Variants in NIBAN1 observed in about 807,000 individuals in gnomAD.
NIBAN1 encodes niban apoptosis regulator 1, also known as protein Niban 1.
A neutral mutation model predicts 75.1 loss-of-function variants in NIBAN1; 81 were observed. The observed-to-expected ratio is 1.08, with a 90% confidence interval of 0.90 to 1.30. The LOEUF (loss-of-function observed/expected upper bound fraction) is 1.30. Ranked by LOEUF, NIBAN1 falls within the 50% of genes most tolerant of loss-of-function variation. The probability of loss-of-function intolerance (pLI) is 0.00; values close to 1 mark genes in which losing one functional copy is unlikely to be tolerated. For synonymous variants in NIBAN1, 436 were observed against 424.8 expected (o/e 1.03, Z -0.32); for missense variants, 1,133 against 1,128.1 (o/e 1.00, Z -0.06).
intron 1 of NIBAN1, among the ~76,000 whole-genome samples, chr1:184,956,958 T>C (rs1276278033): frequency 6.6e-6 from 1 of 152,238 alleles, no homozygotes; most frequent in Non-Finnish European, 1.5e-5. Flanking sequence ...AATGTACAAC[T>C]GAAACATGGC....
chr1:184,974,199 A>G (rs1015966240), intron 1 of NIBAN1, 103 bp downstream of exon 1: 4 of 1,192,226 alleles, frequency 3.4e-6, no homozygotes, highest in Non-Finnish European at 4.4e-6. Context: ...CCCGCGCGCT[A>G]CAGGGAGAGG....
At chr1:184,798,534 T>A (rs775973519) in intron 12 of NIBAN1, among the ~76,000 whole-genome samples, 16 of 152,172 alleles carry the variant, frequency 1.1e-4, no homozygotes, top group Non-Finnish European at 1.9e-4. Flanking sequence ...TTTTTTATCA[T>A]CTCAAGGCCT....
Position 184,860,668 on chromosome 1 carries a change from T to C in NIBAN1, c.601+23965A>G, listed in dbSNP as rs565137673. On this transcript the variant is annotated intron_variant, in intron 5 of 13. Coordinates refer to ENST00000367511, the MANE Select transcript of NIBAN1 (RefSeq NM_052966.4). Reference sequence around the variant, plus strand: ...TATATGAATGGGCACTGACAATACCTCTGTCCCACTGATGAGAAAATTGAA... The same window carrying C: ...TATATGAATGGGCACTGACAATACCCCTGTCCCACTGATGAGAAAATTGAA... 3.3e-5 allele frequency among the ~76,000 whole-genome samples: 5 copies of C among 152,330 alleles called. No individual in the cohort carries two copies. In the South Asian group the frequency reaches 8.3e-4, roughly 25 times the overall value.
At chr1:184,965,199 T>C (rs1239786216) in intron 1 of NIBAN1, among the ~76,000 whole-genome samples, 1 of 151,786 alleles carries the variant, frequency 6.6e-6, no homozygotes. Flanking sequence ...CTCGAGAGGC[T>C]GACGCAGGAG....
At chr1:184,800,249 T>C (rs1359248007) in intron 12 of NIBAN1, among the ~76,000 whole-genome samples, 1 of 150,348 alleles carries the variant, frequency 6.7e-6, no homozygotes, top group African/African-American at 2.4e-5. Context: ...GAGTTCATTG[T>C]AGATTCTGGA....
chr1:184,878,440 T>C (rs1261557324), intron 5 of NIBAN1, among the ~76,000 whole-genome samples: 1 of 152,262 alleles, frequency 6.6e-6, no homozygotes, highest in Non-Finnish European at 1.5e-5. Context: ...CATGAAATCA[T>C]ACATGGTTTG....
At chr1:184,862,151 G>A (rs1655834437) in intron 5 of NIBAN1, among the ~76,000 whole-genome samples, 1 of 151,978 alleles carries the variant, frequency 6.6e-6, no homozygotes. Flanking sequence ...ACCTTCCCTG[G>A]CACCTGCAGA....
chr1:184,818,653 A>G lies in NIBAN1; in HGVS notation c.1158T>C (p.Ser386=), dbSNP rs1654604586. 5.6e-6 allele frequency: 9 copies of G among 1,605,328 alleles called. No individual in the cohort carries two copies. Among genetic ancestry groups the G allele is most frequent in the Non-Finnish European group, 7.7e-6 (9 of 1,173,782 alleles). ...TGTATCCTACCTCCTTTAGCTGGAC[A>G]CTGTCTTTGGTGGTCTGGAAGTTCT... ...VSQNFQTTKD[S]VQLKEHLDRL... The change falls in exon 9 of 14, where the codon AGT becomes AGC. Residue 386 remains serine (S), a synonymous_variant. Transcript: ENST00000367511.
Position 184,831,883 on chromosome 1 carries a change from A to G in NIBAN1, c.681T>C (p.Tyr227=). 1 of 1,614,176 alleles carries G rather than the reference A, an allele frequency of 6.2e-7. No individual in the cohort carries two copies. Among genetic ancestry groups the G allele is most frequent in the Non-Finnish European group, 8.5e-7 (1 of 1,179,998 alleles). The change falls in exon 6 of 14, where the codon TAT becomes TAC. Residue 227 remains tyrosine, a synonymous_variant. Coordinates refer to ENST00000367511, the MANE Select transcript of NIBAN1 (RefSeq NM_052966.4). ...VQFFRQEKGH[Y]GSWEMITGDE... Reference sequence around the variant, plus strand: ...CCCCAGTGATCATTTCCCAGGAACCATAGTGACCCTTCTCCTGTCGGAAGA... The same window carrying G: ...CCCCAGTGATCATTTCCCAGGAACCGTAGTGACCCTTCTCCTGTCGGAAGA...
intron 1 of NIBAN1, among the ~76,000 whole-genome samples, chr1:184,922,300 C>T (rs918865953): frequency 1.3e-5 from 2 of 152,126 alleles, no homozygotes; most frequent in African/African-American, 4.8e-5. Context: ...TTATTGTTGA[C>T]TGTAGTCTCC....
chr1:184,861,563 A>G (rs989184884), intron 5 of NIBAN1, among the ~76,000 whole-genome samples: 2 of 143,432 alleles, frequency 1.4e-5, no homozygotes, highest in Admixed American at 6.9e-5. Context: ...GAAGGGAAAG[A>G]AGGAGAGAAG....
intron 8 of NIBAN1, among the ~76,000 whole-genome samples, chr1:184,822,042 A>G (rs1239393816): frequency 6.6e-6 from 1 of 152,202 alleles, no homozygotes; most frequent in Non-Finnish European, 1.5e-5. Flanking sequence ...GAGCACAGGA[A>G]TAGGGTGTTC....
intron 1 of NIBAN1, among the ~76,000 whole-genome samples, chr1:184,951,430 TTCCCC>T (rs1309628423): frequency 6.6e-6 from 1 of 152,202 alleles, no homozygotes; most frequent in Non-Finnish European, 1.5e-5. Flanking sequence ...ATCAAATGTG[TTCCCC>T]CAGTCTTCCT....
chr1:184,941,008 C>T (rs1170370588), intron 1 of NIBAN1, among the ~76,000 whole-genome samples: 1 of 152,282 alleles, frequency 6.6e-6, no homozygotes, highest in African/African-American at 2.4e-5. Flanking sequence ...TCTTATATTC[C>T]AATTATTTTC....
chr1:184,804,790 T>C (rs553804774), intron 11 of NIBAN1, among the ~76,000 whole-genome samples: 76 of 151,902 alleles, frequency 5.0e-4, no homozygotes, highest in African/African-American at 1.6e-3. Flanking sequence ...TTTTGTTTTT[T>C]TGTTTTTTGT....
At chr1:184,909,783 C>T (rs1256865700) in intron 1 of NIBAN1, among the ~76,000 whole-genome samples, 1 of 152,102 alleles carries the variant, frequency 6.6e-6, no homozygotes, top group East Asian at 1.9e-4. Context: ...CAAACATCTC[C>T]AATAATAAAA....
At chr1:184,931,001 T>C (rs1453326826) in intron 1 of NIBAN1, among the ~76,000 whole-genome samples, 3 of 138,842 alleles carry the variant, frequency 2.2e-5, no homozygotes, top group Non-Finnish European at 1.5e-5. Flanking sequence ...CTTCTTCTTT[T>C]TTTTTTTTTT....
intron 1 of NIBAN1, among the ~76,000 whole-genome samples, chr1:184,944,954 T>A (rs1478225769): frequency 1.3e-5 from 2 of 152,074 alleles, no homozygotes; most frequent in Non-Finnish European, 2.9e-5. Flanking sequence ...TAGATGGTAA[T>A]GAGGACACAG....
At position 184,794,644 on chromosome 1, in the gene NIBAN1, G is replaced by A. The variant is rs949116775; in HGVS notation, c.*333C>T. 2.4e-6 allele frequency: 1 copy of A among 415,744 alleles called. No homozygotes were observed. Among genetic ancestry groups the A allele is most frequent in the African/African-American group, 2.0e-5 (1 of 49,222 alleles). The allele number at this position is 415,744 out of a possible 1,614,324, so 25.8% of individuals were successfully genotyped here. ...GAAGATTGCACAATTGAAAAGTGCAGAGTATACTCAAAACTGTCATCCTAC... is the reference window on the plus strand; with the variant it reads ...GAAGATTGCACAATTGAAAAGTGCAAAGTATACTCAAAACTGTCATCCTAC... On this transcript the variant is annotated 3_prime_UTR_variant, in exon 14 of 14. Transcript: ENST00000367511.
Sources: allele counts gnomAD v4.1 joint callset (sites outside exome capture counted in the v4.1 genomes callset), GRCh38; gene constraint gnomAD v4.1.1; transcripts MANE v1.5; gene names NCBI Gene and HGNC (gene_info 2026-07-23, HGNC 2026-07-21).